AP2S1: variants seen among roughly 807,000 people sequenced by gnomAD.
AP2S1 encodes the protein AP-2 complex subunit sigma.
In AP2S1, 6 loss-of-function variants were observed where a neutral mutation model predicts 21.0. The observed-to-expected ratio is 0.29, with a 90% CI of 0.16 to 0.56. AP2S1 has a LOEUF of 0.56. Among genes scored for constraint, AP2S1 ranks in the 20% least tolerant of loss-of-function variants. The pLI is 0.92. For missense variants in AP2S1, 60 were observed against 186.2 expected (o/e 0.32, Z 3.95); for synonymous variants, 63 against 74.6 (o/e 0.84, Z 0.80).
intron 2 of AP2S1, among the ~76,000 whole-genome samples, chr19:46,843,091 C>T (rs990442009): frequency 6.6e-6 from 1 of 152,178 alleles, no homozygotes; most frequent in Non-Finnish European, 1.5e-5. Context: ...TCCCATCTGC[C>T]CATATCAGAT....
At chr19:46,840,835 AG>A (rs1199590113) in intron 2 of AP2S1, among the ~76,000 whole-genome samples, 2 of 148,050 alleles carry the variant, frequency 1.4e-5, no homozygotes, top group Admixed American at 7.0e-5. Flanking sequence ...CTCCTGCCTC[AG>A]TCTCCCGAGT....
In AP2S1 at chr19:46,849,821, C is replaced by T. The variant is rs7259544; in HGVS notation, c.3+943G>A. Among the ~76,000 whole-genome samples, 798 of 152,248 alleles carry T rather than the reference C, an allele frequency of 5.2e-3. 12 individuals are homozygous for T. Among genetic ancestry groups the T allele is most frequent in the African/African-American group, 0.019 (776 of 41,528 alleles). On this transcript the variant is annotated intron_variant, in intron 1 of 4. Transcript: ENST00000263270. ...CTGGTGACATCCCTTGTCCCACTCCCAAGCTTCCTCCCTTCTTCAAAAGGT... is the reference window on the plus strand; with the variant it reads ...CTGGTGACATCCCTTGTCCCACTCCTAAGCTTCCTCCCTTCTTCAAAAGGT...
rs2055448700 is a variant in AP2S1, at chr19:46,838,391, G to C, written c.*56C>G. On this transcript the variant is annotated 3_prime_UTR_variant, in exon 5 of 5. Coordinates refer to ENST00000263270, the MANE Select transcript of AP2S1 (RefSeq NM_004069.6). This position sits in a 1 kb window ranked among gnomAD's most constrained non-coding sequence, Gnocchi z 4.1. ...TGGGTTGGCCACGGGCCTGGGAAGG[G>C]GAAGCGAGCAGGCGAGTCCAGGAGG... is the stretch of plus-strand genomic sequence containing the variant. 3 of 1,565,436 alleles carry C rather than the reference G, an allele frequency of 1.9e-6. No homozygotes were observed. The South Asian group carries it at 3.3e-5, about 17-fold the overall frequency.
chr19:46,847,329 G>C (rs2055654028), intron 1 of AP2S1, among the ~76,000 whole-genome samples: 1 of 151,546 alleles, frequency 6.6e-6, no homozygotes, highest in South Asian at 2.1e-4. Flanking sequence ...CACCTCCTGG[G>C]TGCAGGCCTC....
At chr19:46,849,010 CTTTTTTTT>C (rs59512372) in intron 1 of AP2S1, among the ~76,000 whole-genome samples, 2 of 56,170 alleles carry the variant, frequency 3.6e-5, no homozygotes, top group African/African-American at 8.6e-5. Flanking sequence ...TGTGCCCAGC[CTTTTTTTT>C]TTTTTTTTTT....
In AP2S1 at chr19:46,840,240, C is replaced by T. The variant is rs114989221; in HGVS notation, c.154-662G>A. Among the ~76,000 whole-genome samples, 595 of 151,766 alleles carry T rather than the reference C, an allele frequency of 3.9e-3. 3 individuals carry two copies. Among genetic ancestry groups the T allele is most frequent in the African/African-American group, 0.013 (555 of 41,362 alleles). ...TGCCAGGATCAGGGACATGGATTCT[C>T]ATTTTATGCGCGTGTTAAGTAGACA... On this transcript the variant is annotated intron_variant, in intron 2 of 4. Coordinates refer to ENST00000263270, the MANE Select transcript of AP2S1 (RefSeq NM_004069.6).
chr19:46,849,356 A>C, intron 1 of AP2S1, among the ~76,000 whole-genome samples: 1 of 150,916 alleles, frequency 6.6e-6, no homozygotes, highest in East Asian at 1.9e-4. Context: ...TCCCTCCCCC[A>C]ACCAACCAAA....
intron 1 of AP2S1, among the ~76,000 whole-genome samples, chr19:46,849,321 G>A (rs1171370797): frequency 6.6e-6 from 1 of 151,954 alleles, no homozygotes; most frequent in Non-Finnish European, 1.5e-5. Flanking sequence ...TCTTTCCTAA[G>A]CCTCATTCTC....
chr19:46,849,978 G>C (rs10426118), intron 1 of AP2S1, among the ~76,000 whole-genome samples: 2 of 152,186 alleles, frequency 1.3e-5, no homozygotes, highest in East Asian at 3.9e-4. Flanking sequence ...CAACCTGGGG[G>C]ATAGGGGCAC....
chr19:46,847,143 C>T (rs1234184353), intron 1 of AP2S1, among the ~76,000 whole-genome samples: 2 of 152,140 alleles, frequency 1.3e-5, no homozygotes, highest in Non-Finnish European at 2.9e-5. Context: ...GTAATTCACA[C>T]ACCATAAAAT....
At chr19:46,846,275 G>T in intron 1 of AP2S1, 133 bp from the exon 2 acceptor site, 2 of 1,176,690 alleles carry the variant, frequency 1.7e-6, no homozygotes, top group Admixed American at 4.9e-5. Flanking sequence ...ACTTCCAGGG[G>T]TCTCGGCTGC....
intron 2 of AP2S1, among the ~76,000 whole-genome samples, chr19:46,845,279 G>A (rs1470411373): frequency 2.6e-5 from 4 of 151,248 alleles, no homozygotes; most frequent in Non-Finnish European, 5.9e-5. Context: ...TGTGGTGCAC[G>A]CCTGTAATCC....
chr19:46,847,489 T>C (rs1305438495), intron 1 of AP2S1, among the ~76,000 whole-genome samples: 1 of 152,050 alleles, frequency 6.6e-6, no homozygotes, highest in Non-Finnish European at 1.5e-5. Context: ...AAGTGCTGCA[T>C]CAGGCGTGAG....
Position 46,846,148 on chromosome 19 carries a change from GGCA to G in AP2S1, c.4-9_4-7del. 1 of 1,613,942 alleles carries G rather than the reference GGCA, an allele frequency of 6.2e-7. No individual in the cohort carries two copies. Among genetic ancestry groups the G allele is most frequent in the Non-Finnish European group, 8.5e-7 (1 of 1,179,922 alleles). ...TGGATGAGGATAAAGCGGATCTGGG[GGCA>G]GCAGGAGGAGAAGGAGGAAGTGAGA... On this transcript the variant is annotated splice_region_variant and splice_polypyrimidine_tract_variant and intron_variant, in intron 1 of 4. Transcript: ENST00000263270.
At chr19:46,850,623 G>A (rs752265235) in intron 1 of AP2S1, 141 bp downstream of exon 1, 14 of 801,576 alleles carry the variant, frequency 1.7e-5, no homozygotes, top group Non-Finnish European at 2.8e-5. Flanking sequence ...CCCGGCCCTG[G>A]ATCGGTCCCA....
intron 2 of AP2S1, 180 bp from the exon 3 acceptor site, chr19:46,839,758 C>T (rs982529444): frequency 1.1e-5 from 11 of 1,026,684 alleles, no homozygotes; most frequent in African/African-American, 8.2e-5. Flanking sequence ...CACAGTGCAG[C>T]GGGGGCAGGC....
rs1413386343 is a variant in AP2S1 at position 46,838,678 on chromosome 19, C to CCACG, written c.327+58_327+61dup. 1.3e-6 allele frequency: 2 copies of CCACG among 1,593,124 alleles called. No individual in the cohort carries two copies. Among genetic ancestry groups the CCACG allele is most frequent in the Middle Eastern group, 1.7e-4 (1 of 6,004 alleles). ...GCAGAGGCTCCGGGTGGCTAGTGCA[C>CCACG]CACGGGTCCCCCCCGTCCCCCTCCT... On this transcript the variant is annotated intron_variant, in intron 4 of 4. Transcript: ENST00000263270. This position sits in a 1 kb window ranked among gnomAD's most constrained non-coding sequence, Gnocchi z 4.1.
intron 2 of AP2S1, among the ~76,000 whole-genome samples, chr19:46,840,699 G>A (rs1311094820): frequency 6.6e-6 from 1 of 150,470 alleles, no homozygotes; most frequent in Non-Finnish European, 1.5e-5. Flanking sequence ...ACAGCTATGA[G>A]TGCCAGCATC....
In AP2S1 at chr19:46,838,682, G is replaced by C; in HGVS notation, c.327+58C>G. ...AGGCTCCGGGTGGCTAGTGCACCAC[G>C]GGTCCCCCCCGTCCCCCTCCTCTGG... On this transcript the variant is annotated intron_variant, in intron 4 of 4. Transcript: ENST00000263270. The surrounding 1 kb of genome is among the most constrained non-coding windows in gnomAD (Gnocchi z 4.1). 2 of 1,595,838 alleles carry C rather than the reference G, an allele frequency of 1.3e-6. No individual in the cohort carries two copies. Among genetic ancestry groups the C allele is most frequent in the Non-Finnish European group, 1.7e-6 (2 of 1,164,432 alleles).
Sources: allele counts gnomAD v4.1 joint callset (sites outside exome capture counted in the v4.1 genomes callset), GRCh38; gene constraint gnomAD v4.1.1; non-coding constraint Gnocchi (gnomAD v3.1); transcripts MANE v1.5; gene names NCBI Gene and HGNC (gene_info 2026-07-23, HGNC 2026-07-21).